COL24A1: variants seen among roughly 807,000 people sequenced by gnomAD.
COL24A1 encodes the protein collagen type XXIV alpha 1 chain, also known as collagen alpha-1(XXIV) chain.
A neutral mutation model predicts 253.9 loss-of-function variants in COL24A1; 224 were observed. The observed-to-expected ratio is 0.88, with a 90% CI of 0.79 to 0.99. The LOEUF (loss-of-function observed/expected upper bound fraction) is 0.99. COL24A1 is among the 50% of genes least tolerant of loss of function. The pLI is 0.00. For synonymous variants in COL24A1, 685 were observed against 673.7 expected (o/e 1.02, Z -0.26); for missense variants, 2,131 against 2,068.5 (o/e 1.03, Z -0.59).
chr1:86,103,870 T>C (rs750159748), intron 5 of COL24A1, among the ~76,000 whole-genome samples: 5 of 152,182 alleles, frequency 3.3e-5, no homozygotes, highest in Non-Finnish European at 7.3e-5. Context: ...TTGGGGATGA[T>C]CTTCTTGGGA....
chr1:86,076,156 G>A (rs533293871), intron 7 of COL24A1, among the ~76,000 whole-genome samples: 15 of 152,216 alleles, frequency 9.9e-5, no homozygotes, highest in Admixed American at 9.8e-4. Context: ...CATCACCTCA[G>A]CCCCAAATCT....
chr1:85,991,416 TA>T lies in COL24A1; in HGVS notation c.2311-3763del, dbSNP rs1438335897. Among the ~76,000 whole-genome samples, 10 of 152,328 alleles carry T rather than the reference TA, an allele frequency of 6.6e-5. No homozygotes were observed. The East Asian group carries it at 1.3e-3, about 21-fold the overall frequency. On this transcript the variant is annotated intron_variant, in intron 19 of 59. Transcript: ENST00000370571. ...CACACTTGTGTGATAAACTATGTTTTAAAAAGGAGGAACTGCTTACTTTTGG... is the reference window on the plus strand; with the variant it reads ...CACACTTGTGTGATAAACTATGTTTTAAAAGGAGGAACTGCTTACTTTTGG...
intron 7 of COL24A1, among the ~76,000 whole-genome samples, chr1:86,073,545 C>A (rs1198935260): frequency 6.6e-6 from 1 of 152,152 alleles, no homozygotes; most frequent in Non-Finnish European, 1.5e-5. Context: ...TTGGAAAACA[C>A]TTTTCAGGAC....
At chr1:85,826,731 G>T (rs1409155841) in intron 43 of COL24A1, among the ~76,000 whole-genome samples, 1 of 151,430 alleles carries the variant, frequency 6.6e-6, no homozygotes, top group Admixed American at 6.6e-5. Flanking sequence ...CTGTTTGTCT[G>T]TTGTTGGTGT....
intron 43 of COL24A1, among the ~76,000 whole-genome samples, chr1:85,836,160 C>T (rs528223370): frequency 1.9e-4 from 29 of 152,312 alleles, no homozygotes; most frequent in African/African-American, 7.0e-4. Flanking sequence ...TCAGGTTTAA[C>T]TGTTTCTTTG....
chr1:85,924,787 C>G, intron 24 of COL24A1, among the ~76,000 whole-genome samples: 1 of 152,208 alleles, frequency 6.6e-6, no homozygotes, highest in East Asian at 1.9e-4. Flanking sequence ...TCTCTCACCA[C>G]TCTTATTCAG....
chr1:86,025,168 CA>C, intron 14 of COL24A1, among the ~76,000 whole-genome samples: 1 of 152,260 alleles, frequency 6.6e-6, no homozygotes, highest in African/African-American at 2.4e-5. Flanking sequence ...ACTCAGTTCT[CA>C]GTTCTACCAA....
At chr1:86,051,977 G>T (rs1264927759) in intron 10 of COL24A1, among the ~76,000 whole-genome samples, 1 of 152,004 alleles carries the variant, frequency 6.6e-6, no homozygotes, top group Non-Finnish European at 1.5e-5. Context: ...GAGAAAAAAA[G>T]TCTGAAGGAC....
intron 37 of COL24A1, among the ~76,000 whole-genome samples, chr1:85,861,399 T>C (rs974945552): frequency 6.6e-6 from 1 of 152,198 alleles, no homozygotes; most frequent in Non-Finnish European, 1.5e-5. Context: ...TCTCCTATTA[T>C]GTGGGTTGAT....
intron 53 of COL24A1, among the ~76,000 whole-genome samples, chr1:85,762,436 T>A (rs553248717): frequency 2.6e-5 from 4 of 152,284 alleles, no homozygotes; most frequent in Non-Finnish European, 5.9e-5. Flanking sequence ...CATGTCTCAG[T>A]TTATCTGGTT....
chr1:85,870,852 C>A (rs1680382869), intron 35 of COL24A1, among the ~76,000 whole-genome samples: 1 of 152,042 alleles, frequency 6.6e-6, no homozygotes, highest in Admixed American at 6.6e-5. Flanking sequence ...AAGATCAGAG[C>A]AGAACTGAAG....
At position 85,831,669 on chromosome 1, in the gene COL24A1, C is replaced by A. The variant is rs75732523; in HGVS notation, c.3681+6916G>T. On this transcript the variant is annotated intron_variant, in intron 43 of 59. Coordinates refer to ENST00000370571, the MANE Select transcript of COL24A1 (RefSeq NM_152890.7). ...TGAGTTGAATGGCCAAAGGAACTTA[C>A]AGAAGATTTTATAAGGGAAGTGATA... Among the ~76,000 whole-genome samples the A allele has an allele frequency of 5.5e-3, 839 of 152,064 alleles. 7 individuals are homozygous for A. The highest frequency in any genetic ancestry group is 0.02 in the African/African-American group (812 of 41,532).
At chr1:85,974,154 A>C (rs76199963) in intron 20 of COL24A1, among the ~76,000 whole-genome samples, 2,224 of 152,194 alleles carry the variant, frequency 0.015, 46 homozygotes, top group African/African-American at 0.051. Flanking sequence ...ATTTTAAGAC[A>C]TTTTTCTCCA....
rs1649062851 is a variant in COL24A1 at position 86,130,858 on chromosome 1, AT to A, written c.122-4645del. Among the ~76,000 whole-genome samples, 11 of 151,604 alleles carry A rather than the reference AT, an allele frequency of 7.3e-5. 1 individual carries two copies. The South Asian group carries it at 2.3e-3, about 32-fold the overall frequency. ...GCATTTATATTTTTCTTTTTCCCAC[AT>A]TTTCTTTTGACAAATAGAGCCAGAC... is the stretch of plus-strand genomic sequence containing the variant. On this transcript the variant is annotated intron_variant, in intron 2 of 59. Coordinates refer to ENST00000370571, the MANE Select transcript of COL24A1 (RefSeq NM_152890.7).
In COL24A1 at chr1:85,968,106, A is replaced by C. The variant is rs545018689; in HGVS notation, c.2463+2121T>G. Among the ~76,000 whole-genome samples the C allele has an allele frequency of 2.0e-5, 3 of 152,212 alleles. No individual in the cohort carries two copies. The South Asian group carries it at 6.2e-4, about 32-fold the overall frequency. On this transcript the variant is annotated intron_variant, in intron 22 of 59. Coordinates refer to ENST00000370571, the MANE Select transcript of COL24A1 (RefSeq NM_152890.7). Reference sequence around the variant, plus strand: ...CTCTGCCTTAGATCATTGGACTCCAAATTCTTTAGTTTTGGGACTTAGACT... The same window carrying C: ...CTCTGCCTTAGATCATTGGACTCCACATTCTTTAGTTTTGGGACTTAGACT...
At chr1:86,003,484 A>G (rs1297124221) in intron 19 of COL24A1, among the ~76,000 whole-genome samples, 2 of 152,186 alleles carry the variant, frequency 1.3e-5, no homozygotes, top group Non-Finnish European at 2.9e-5. Context: ...TGTTAGGGTG[A>G]GAAAATAGCT....
At chr1:85,923,493 AT>A (rs1281537699) in intron 24 of COL24A1, among the ~76,000 whole-genome samples, 1 of 152,228 alleles carries the variant, frequency 6.6e-6, no homozygotes, top group African/African-American at 2.4e-5. Flanking sequence ...GTGCAATCAA[AT>A]TAGAACTCAG....
At chr1:86,030,522 A>G (rs1698473670) in intron 14 of COL24A1, 1 of 152,374 alleles carries the variant, frequency 6.6e-6, no homozygotes, top group Non-Finnish European at 1.5e-5. Flanking sequence ...TTTCTCATTC[A>G]TCACAAAACA....
intron 47 of COL24A1, among the ~76,000 whole-genome samples, chr1:85,804,114 A>C (rs1161394110): frequency 6.6e-6 from 1 of 152,202 alleles, no homozygotes; most frequent in African/African-American, 2.4e-5. Flanking sequence ...TTTACTATTT[A>C]AAAAGGAGTC....
Sources: allele counts gnomAD v4.1 joint callset (sites outside exome capture counted in the v4.1 genomes callset), GRCh38; gene constraint gnomAD v4.1.1; transcripts MANE v1.5; gene names NCBI Gene and HGNC (gene_info 2026-07-23, HGNC 2026-07-21).